Variants in DNAI3 observed in about 807,000 individuals in gnomAD.
DNAI3 encodes the protein dynein axonemal intermediate chain 3.
Under a neutral mutation model 115.5 loss-of-function variants are expected in DNAI3, and 83 were observed. The ratio of observed to expected loss-of-function variants is 0.72; its 90% CI spans 0.60 to 0.86. DNAI3 has a LOEUF of 0.86. Ranked by LOEUF, DNAI3 falls within the 40% of genes least tolerant of loss-of-function variation. The pLI is 0.00. For missense variants in DNAI3, 1,004 were observed against 1,075.8 expected, an observed-to-expected ratio of 0.93 and a Z score of 0.93; for synonymous variants, 320 against 347.0, an observed-to-expected ratio of 0.92 and a Z score of 0.86.
At chr1:85,117,892 A>T (rs1557724651) in intron 17 of DNAI3, 33 bp downstream of exon 17, 3 of 1,597,342 alleles carry the variant, frequency 1.9e-6, no homozygotes, top group Non-Finnish European at 2.6e-6. Context: ...TAAAATTAAT[A>T]CTTATTTATA....
chr1:85,130,806 T>C (rs1316099520), intron 22 of DNAI3, among the ~76,000 whole-genome samples: 1 of 152,160 alleles, frequency 6.6e-6, no homozygotes, highest in African/African-American at 2.4e-5. Context: ...GAGGAGAATT[T>C]GGTACAGGGC....
intron 17 of DNAI3, among the ~76,000 whole-genome samples, chr1:85,120,005 T>TC (rs534272938): frequency 6.6e-4 from 100 of 152,326 alleles, no homozygotes; most frequent in African/African-American, 2.2e-3. Context: ...CGGCCTTTTT[T>TC]CTCATCCTCC....
intron 3 of DNAI3, 93 bp downstream of exon 3, chr1:85,073,185 TC>T: frequency 2.2e-6 from 2 of 903,286 alleles, no homozygotes; most frequent in Non-Finnish European, 3.2e-6. Flanking sequence ...ACTGAAGTGA[TC>T]AATCAAAATG....
chr1:85,091,375 A>G (rs1654969464), intron 8 of DNAI3, among the ~76,000 whole-genome samples: 1 of 152,216 alleles, frequency 6.6e-6, no homozygotes, highest in African/African-American at 2.4e-5. Flanking sequence ...GCTTATAAAG[A>G]AAAGAATAGT....
At chr1:85,130,658 TTAGATAGATGA>T (rs1656283778) in intron 22 of DNAI3, among the ~76,000 whole-genome samples, 1 of 147,646 alleles carries the variant, frequency 6.8e-6, no homozygotes, top group Non-Finnish European at 1.5e-5. Flanking sequence ...AGATGATAGA[TTAGATAGATGA>T]TAGATAGATA....
rs77092287 is a variant in DNAI3, at chr1:85,111,840, A to G, written c.1786+1705A>G. ...GCATATTGTCAAAGTGTTTAATTTG[A>G]TATGCTTTGACATATGTACACACCC... is the stretch of plus-strand genomic sequence containing the variant. On this transcript the variant is annotated intron_variant, in intron 16 of 22. Transcript: ENST00000294664. Among the ~76,000 whole-genome samples the G allele has an allele frequency of 4.4e-3, 670 of 152,240 alleles. 5 individuals are homozygous for G. Among genetic ancestry groups the G allele is most frequent in the African/African-American group, 0.015 (625 of 41,506 alleles).
chr1:85,089,632 T>C (rs1654908583), intron 7 of DNAI3, among the ~76,000 whole-genome samples: 2 of 151,882 alleles, frequency 1.3e-5, no homozygotes, highest in African/African-American at 4.8e-5. Context: ...GTAGGGTTTT[T>C]AACAGCATCC....
At chr1:85,132,771 A>T in intron 22 of DNAI3, 84 bp from the exon 23 acceptor site, 1 of 1,528,216 alleles carries the variant, frequency 6.5e-7, no homozygotes, top group Non-Finnish European at 8.8e-7. Flanking sequence ...CAGGTCAACT[A>T]TTCACAAACA....
intron 3 of DNAI3, among the ~76,000 whole-genome samples, chr1:85,074,655 A>G (rs11161519): frequency 0.57 from 87,219 of 152,072 alleles, 25,071 homozygotes; most frequent in Non-Finnish European, 0.58. Flanking sequence ...AAGTTAAAGT[A>G]CAGTCAATTC....
Position 85,084,832 on chromosome 1 carries a change from G to C in DNAI3, c.540+137G>C, listed in dbSNP as rs551873977. 9 of 873,320 alleles carry C rather than the reference G, an allele frequency of 1.0e-5. No individual in the cohort carries two copies. The African/African-American group carries it at 1.6e-4, about 15-fold the overall frequency. 54.1% of individuals were successfully genotyped at this position (873,320 alleles called of 1,614,324 possible). On this transcript the variant is annotated intron_variant, in intron 6 of 22. Transcript: ENST00000294664. ...TGTGTTGTTTTGGTTTGCTTTTATA[G>C]AAGAATGGTCATTGTCTTAAGTGGG...
Position 85,081,380 on chromosome 1 carries a change from G to GT in DNAI3, c.251dup (p.Ser85IlefsTer2). 6.3e-7 allele frequency: 1 copy of GT among 1,588,044 alleles called. No homozygotes were observed. The highest frequency in any genetic ancestry group is 1.2e-5 in the South Asian group (1 of 86,184). On this transcript the variant is annotated frameshift_variant, in exon 4 of 23. Coordinates refer to ENST00000294664, the MANE Select transcript of DNAI3 (RefSeq NM_145172.5). LOFTEE classifies it high-confidence loss of function. Reference sequence around the variant, plus strand: ...TGAGGACCTGCGCAACAGAGCTGCAGTATCTGATTTCCACCCAGTCAAAAA... The same window carrying GT: ...TGAGGACCTGCGCAACAGAGCTGCAGTTATCTGATTTCCACCCAGTCAAAAA...
intron 1 of DNAI3, among the ~76,000 whole-genome samples, chr1:85,066,293 C>T (rs1370867879): frequency 7.3e-6 from 1 of 137,440 alleles, no homozygotes; most frequent in Admixed American, 7.6e-5. Flanking sequence ...TAGGAGTAGA[C>T]GAATTATCTC....
intron 1 of DNAI3, among the ~76,000 whole-genome samples, chr1:85,066,204 T>C (rs1654089868): frequency 6.6e-6 from 1 of 152,104 alleles, no homozygotes; most frequent in South Asian, 2.1e-4. Context: ...CCAAAATTTC[T>C]ATTTTGAAAT....
intron 10 of DNAI3, 125 bp downstream of exon 10, chr1:85,094,680 C>T (rs1249596793): frequency 2.4e-6 from 3 of 1,224,538 alleles, no homozygotes; most frequent in East Asian, 4.9e-5. Context: ...TAAAGTTAGG[C>T]TTTCTTCAAT....
intron 3 of DNAI3, among the ~76,000 whole-genome samples, chr1:85,075,997 T>A (rs1367929768): frequency 2.0e-5 from 3 of 152,192 alleles, no homozygotes; most frequent in Non-Finnish European, 4.4e-5. Flanking sequence ...CTGAAATTAC[T>A]TTCACCAGGC....
intron 12 of DNAI3, 94 bp downstream of exon 12, chr1:85,097,749 A>G: frequency 9.2e-7 from 1 of 1,092,772 alleles, no homozygotes; most frequent in African/African-American, 1.7e-5. Flanking sequence ...ATAAAAACTC[A>G]AGAGAAAAAA....
intron 6 of DNAI3, among the ~76,000 whole-genome samples, chr1:85,085,278 C>T (rs1160210455): frequency 6.6e-6 from 1 of 152,194 alleles, no homozygotes; most frequent in African/African-American, 2.4e-5. Context: ...TAGGCCACCC[C>T]ATTTGTAGTA....
intron 7 of DNAI3, among the ~76,000 whole-genome samples, chr1:85,088,567 C>T (rs911801992): frequency 2.0e-5 from 3 of 152,138 alleles, no homozygotes; most frequent in Non-Finnish European, 4.4e-5. Context: ...GTTCCCACCA[C>T]ATACCAGGCA....
intron 7 of DNAI3, among the ~76,000 whole-genome samples, chr1:85,088,979 G>GA (rs946512961): frequency 6.6e-6 from 1 of 150,610 alleles, no homozygotes; most frequent in Non-Finnish European, 1.5e-5. Flanking sequence ...CCTAAACAAG[G>GA]AAAAAAAATG....
Sources: allele counts gnomAD v4.1 joint callset (sites outside exome capture counted in the v4.1 genomes callset), GRCh38; gene constraint gnomAD v4.1.1; transcripts MANE v1.5; gene names NCBI Gene and HGNC (gene_info 2026-07-23, HGNC 2026-07-21).